Variants in PDZD2 observed in about 807,000 individuals in gnomAD.
PDZD2 encodes PDZ domain-containing protein 2.
A neutral mutation model predicts 220.7 loss-of-function variants in PDZD2; 90 were observed. That is an observed-to-expected ratio of 0.41 (90% CI 0.34 to 0.49). The LOEUF (loss-of-function observed/expected upper bound fraction) is 0.49, where lower values mean the gene tolerates loss of function less well. PDZD2 is among the 20% of genes least tolerant of loss of function. PDZD2 has a pLI of 0.28. For synonymous variants in PDZD2, 1,375 were observed against 1,450.5 expected (o/e 0.95, Z 1.18); for missense variants, 3,174 against 3,608.5 (o/e 0.88, Z 3.08).
chr5:32,087,898 A>C lies in PDZD2; in HGVS notation c.4450A>C (p.Arg1484=). Reference sequence around the variant, plus strand: ...CCCGGGGGGCCAGACCTCCTCCCCGAGGAGGGCCTGGGCTGCTGGTGCCCC... The same window carrying C: ...CCCGGGGGGCCAGACCTCCTCCCCGCGGAGGGCCTGGGCTGCTGGTGCCCC... ...PVPGGQTSSP[R]RAWAAGAPAY... The change falls in exon 20 of 25, where the codon AGG becomes CGG. Residue 1484 remains arginine (R), a synonymous_variant. Coordinates refer to ENST00000438447, the MANE Select transcript of PDZD2 (RefSeq NM_178140.4). The surrounding 1 kb of genome is among the most constrained non-coding windows in gnomAD (Gnocchi z 4.0). 6.2e-7 allele frequency: 1 copy of C among 1,613,216 alleles called. No individual in the cohort carries two copies.
At chr5:31,803,101 AT>A (rs35101679) in intron 2 of PDZD2, among the ~76,000 whole-genome samples, 30,607 of 140,380 alleles carry the variant, frequency 0.22, 5,129 homozygotes, top group East Asian at 0.52. Context: ...ATTTTATTTT[AT>A]TTTTTTTTTT....
Position 32,032,305 on chromosome 5 carries a change from G to C in PDZD2, c.1408-4926G>C, listed in dbSNP as rs952189328. 2.0e-5 allele frequency among the ~76,000 whole-genome samples: 3 copies of C among 152,268 alleles called. No homozygotes were observed. The East Asian group carries it at 5.8e-4, about 29-fold the overall frequency. On this transcript the variant is annotated intron_variant, in intron 6 of 24. Transcript: ENST00000438447. ...CTCTGTGTTCTTTGTTAGCTTTCCT[G>C]CTGATTCTGATGCACCTCAAAGTTT...
At chr5:32,010,089 A>AAAAAAAAAAAG (rs1262994855) in intron 5 of PDZD2, among the ~76,000 whole-genome samples, 58 of 151,644 alleles carry the variant, frequency 3.8e-4, no homozygotes, top group African/African-American at 1.3e-3. Flanking sequence ...TGTCTCAAAA[A>AAAAAAAAAAAG]AAAGAAAAAA....
chr5:32,090,489 T>C lies in PDZD2; in HGVS notation c.7041T>C (p.Asn2347=). ...QRIKSFENLA[N]ADRPVAKSGA... ...TCAAGTCTTTTGAGAACCTGGCCAA[T>C]GCTGACCGGCCTGTAGCCAAGTCCG... The change falls in exon 20 of 25, where the codon AAT becomes AAC. Residue 2347 remains asparagine, a synonymous_variant. Transcript: ENST00000438447. This position sits in a 1 kb window ranked among gnomAD's most constrained non-coding sequence, Gnocchi z 4.3. 1 of 1,614,090 alleles carries C rather than the reference T, an allele frequency of 6.2e-7. No individual in the cohort carries two copies. Among genetic ancestry groups the C allele is most frequent in the Non-Finnish European group, 8.5e-7 (1 of 1,180,030 alleles).
chr5:32,090,545 AGCCTCCCATTGGGAG>A lies in PDZD2; in HGVS notation c.7100_7114del (p.Pro2367_Arg2371del). 1 of 1,613,936 alleles carries A rather than the reference AGCCTCCCATTGGGAG, an allele frequency of 6.2e-7. No homozygotes were observed. The highest frequency in any genetic ancestry group is 1.1e-5 in the South Asian group (1 of 91,074). ...TCCCCATTTTTGTCGGTGAGCTCCA[AGCCTCCCATTGGGAG>A]GCGGTCTTCCGGCAGCATTGTTTCC... On this transcript the variant is annotated inframe_deletion, in exon 20 of 25. Transcript: ENST00000438447. The surrounding 1 kb of genome is among the most constrained non-coding windows in gnomAD (Gnocchi z 4.3).
At chr5:31,858,294 C>A (rs1035454337) in intron 2 of PDZD2, among the ~76,000 whole-genome samples, 1 of 152,154 alleles carries the variant, frequency 6.6e-6, no homozygotes, top group African/African-American at 2.4e-5. Context: ...AAAAAAATTC[C>A]TTCCTTCTCC....
At chr5:31,920,081 C>G (rs892616310) in intron 2 of PDZD2, among the ~76,000 whole-genome samples, 1 of 151,664 alleles carries the variant, frequency 6.6e-6, no homozygotes, top group Non-Finnish European at 1.5e-5. Flanking sequence ...CTCAGTAGTT[C>G]GAGACCAGCC....
chr5:32,043,568 G>A (rs1217759770), intron 7 of PDZD2, among the ~76,000 whole-genome samples: 3 of 152,254 alleles, frequency 2.0e-5, no homozygotes, highest in Non-Finnish European at 2.9e-5. Flanking sequence ...ACTCCATGGT[G>A]TGGCAGCAAA....
At chr5:31,931,835 G>T (rs1174690732) in intron 2 of PDZD2, among the ~76,000 whole-genome samples, 1 of 152,106 alleles carries the variant, frequency 6.6e-6, no homozygotes, top group South Asian at 2.1e-4. Context: ...TGCCGGCGTT[G>T]TGTGAGTTGA....
At chr5:31,802,548 G>A (rs968510777) in intron 2 of PDZD2, among the ~76,000 whole-genome samples, 1 of 152,164 alleles carries the variant, frequency 6.6e-6, no homozygotes, top group East Asian at 1.9e-4. Context: ...TCAGGGAATA[G>A]ACCAGTGGGA....
Position 32,041,161 on chromosome 5 carries a change from G to A in PDZD2, c.1519+3819G>A, listed in dbSNP as rs1180576513. ...AAGTGGGGAGCGCCTCTGCCCGGCC[G>A]CCCCGTCTGGGAAGTGGGGAGCGCC... On this transcript the variant is annotated intron_variant, in intron 7 of 24. Coordinates refer to ENST00000438447, the MANE Select transcript of PDZD2 (RefSeq NM_178140.4). Among the ~76,000 whole-genome samples, 22 of 135,030 alleles carry A rather than the reference G, an allele frequency of 1.6e-4. 1 individual carries two copies. The East Asian group carries it at 2.9e-3, about 18-fold the overall frequency. The allele number at this position is 135,030 out of a possible 152,430, so 88.6% of individuals were successfully genotyped here.
At chr5:31,790,052 A>G (rs1753609948) in intron 1 of PDZD2, among the ~76,000 whole-genome samples, 1 of 152,198 alleles carries the variant, frequency 6.6e-6, no homozygotes, top group African/African-American at 2.4e-5. Context: ...GCTCTGGTGG[A>G]AGGAACTCCT....
chr5:31,670,725 T>C (rs566355814), intron 1 of PDZD2, among the ~76,000 whole-genome samples: 2 of 152,188 alleles, frequency 1.3e-5, no homozygotes, highest in Admixed American at 1.3e-4. Flanking sequence ...CCGGCCAGTT[T>C]GCGTTTCTTT....
intron 1 of PDZD2, among the ~76,000 whole-genome samples, chr5:31,797,409 A>G (rs1264810541): frequency 1.5e-4 from 23 of 152,074 alleles, no homozygotes; most frequent in Admixed American, 5.2e-4. Context: ...ATATTGATGA[A>G]TAAGACAGTG....
At chr5:32,069,248 A>G (rs1393824801) in intron 14 of PDZD2, among the ~76,000 whole-genome samples, 5 of 146,686 alleles carry the variant, frequency 3.4e-5, no homozygotes, top group Non-Finnish European at 7.4e-5. Context: ...CTTGGGTAAC[A>G]GAGAGACTCT....
intron 8 of PDZD2, among the ~76,000 whole-genome samples, chr5:32,051,379 G>A (rs1001852913): frequency 4.6e-5 from 7 of 152,094 alleles, no homozygotes; most frequent in African/African-American, 1.7e-4. Context: ...AATAATAATT[G>A]TTCTAAGCTG....
intron 1 of PDZD2, among the ~76,000 whole-genome samples, chr5:31,701,532 T>C (rs1747610694): frequency 6.6e-6 from 1 of 152,186 alleles, no homozygotes; most frequent in African/African-American, 2.4e-5. Flanking sequence ...GGGAGACGTC[T>C]AGCTATACAC....
Position 31,799,423 on chromosome 5 carries a change from C to T in PDZD2, c.175C>T (p.Pro59Ser). ...NFAVDESTVP[P>S]DHSPPEMEIC... ...TGCTGTGGATGAGAGTACGGTCCCACCTGATCACAGCCCCCCCGAAATGGA... is the reference window on the plus strand; with the variant it reads ...TGCTGTGGATGAGAGTACGGTCCCATCTGATCACAGCCCCCCCGAAATGGA... Residue 59 changes from proline (P) to serine (S), a missense_variant, in exon 2 of 25, where the codon CCT becomes TCT. Transcript: ENST00000438447. 2 of 1,614,220 alleles carry T rather than the reference C, an allele frequency of 1.2e-6. No homozygotes were observed. The highest frequency in any genetic ancestry group is 1.6e-4 in the Middle Eastern group (1 of 6,062).
Position 32,087,370 on chromosome 5 carries a change from G to A in PDZD2, c.3922G>A (p.Ala1308Thr), listed in dbSNP as rs911299020. The A allele has an allele frequency of 6.2e-7, 1 of 1,614,070 alleles. No individual in the cohort carries two copies. Among genetic ancestry groups the A allele is most frequent in the Non-Finnish European group, 8.5e-7 (1 of 1,179,932 alleles). Reference sequence around the variant, plus strand: ...CCCTGACTACAGCAAGACTCGATCAGCATCGGAAACCAGCACACCCCACAA... The same window carrying A: ...CCCTGACTACAGCAAGACTCGATCAACATCGGAAACCAGCACACCCCACAA... ...APPDYSKTRS[A>T]SETSTPHNTR... The change falls in exon 20 of 25, where the codon GCA (alanine) becomes ACA (threonine). Residue 1308 changes from alanine to threonine, a missense_variant. Coordinates refer to ENST00000438447, the MANE Select transcript of PDZD2 (RefSeq NM_178140.4). This position sits in a 1 kb window ranked among gnomAD's most constrained non-coding sequence, Gnocchi z 4.0.
Sources: gnomAD v4.1 joint callset for allele counts (sites outside exome capture counted in the v4.1 genomes callset) on GRCh38, gnomAD v4.1.1 for gene constraint, Gnocchi (gnomAD v3.1) non-coding constraint, MANE v1.5 for transcripts, NCBI Gene and HGNC (gene_info 2026-07-23, HGNC 2026-07-21) for gene names.